Variants in PCDHA4 observed in about 807,000 individuals in gnomAD.
PCDHA4 encodes protocadherin alpha-4.
PCDHA4 carries 49 observed loss-of-function variants against 61.4 expected under a neutral mutation model. The ratio of observed to expected loss-of-function variants is 0.80; its 90% CI spans 0.63 to 1.01. The LOEUF is 1.01. Ranked by LOEUF, PCDHA4 falls within the 50% of genes least tolerant of loss-of-function variation. The pLI, the probability that PCDHA4 is intolerant of heterozygous loss-of-function variation, is 0.00. For missense variants in PCDHA4, 1,254 were observed against 1,235.8 expected (o/e 1.01, Z -0.22); for synonymous variants, 590 against 550.3 (o/e 1.07, Z -1.01).
At chr5:140,858,625 T>A (rs2045528405) in intron 1 of PCDHA4, 1 of 1,095,156 alleles carries the variant, frequency 9.1e-7, no homozygotes, top group South Asian at 1.7e-5. Flanking sequence ...CTACCCAGTG[T>A]GTCAGCCTTT....
intron 3 of PCDHA4, among the ~76,000 whole-genome samples, chr5:140,989,748 G>A (rs868949345): frequency 1.3e-4 from 20 of 152,192 alleles, no homozygotes; most frequent in African/African-American, 4.8e-4. Context: ...GCCTAATCTG[G>A]AGAAACATAT....
At chr5:140,856,842 C>T (rs782696740) in intron 1 of PCDHA4, 1 of 1,592,718 alleles carries the variant, frequency 6.3e-7, no homozygotes, top group South Asian at 1.1e-5. Context: ...CGGCTCAACG[C>T]TTCTGATTCG....
intron 1 of PCDHA4, chr5:140,966,920 C>A: frequency 6.2e-7 from 1 of 1,602,672 alleles, no homozygotes; most frequent in South Asian, 1.1e-5. Flanking sequence ...GCCAGAGGAG[C>A]AGGCACCCGG....
At chr5:140,929,545 A>T in intron 1 of PCDHA4, 1 of 514,856 alleles carries the variant, frequency 1.9e-6, no homozygotes, top group Non-Finnish European at 3.2e-6. Context: ...ACAAGGGCAA[A>T]AATTAAAACC....
intron 1 of PCDHA4, among the ~76,000 whole-genome samples, chr5:140,945,123 A>G (rs1421068345): frequency 2.0e-5 from 3 of 152,190 alleles, no homozygotes; most frequent in African/African-American, 4.8e-5. Context: ...TAAAAAATCA[A>G]CTTACAAAAA....
intron 3 of PCDHA4, among the ~76,000 whole-genome samples, chr5:140,984,016 T>G (rs2153832874): frequency 6.6e-6 from 1 of 152,280 alleles, no homozygotes; most frequent in Non-Finnish European, 1.5e-5. Context: ...TATTGCCAGA[T>G]TGCAAGGGGA....
At chr5:140,854,798 A>G (rs2043232983) in intron 1 of PCDHA4, 1 of 149,748 alleles carries the variant, frequency 6.7e-6, no homozygotes, top group African/African-American at 2.4e-5. Flanking sequence ...GAGAGAGAAA[A>G]AAATATTTTT....
chr5:140,857,254 TTAC>T, intron 1 of PCDHA4: 1 of 1,598,512 alleles, frequency 6.3e-7, no homozygotes, highest in Non-Finnish European at 8.6e-7. Flanking sequence ...CCTACAAGAA[TTAC>T]TACTCATTGG....
chr5:140,928,949 T>C, intron 1 of PCDHA4: 1 of 1,614,066 alleles, frequency 6.2e-7, no homozygotes, highest in Non-Finnish European at 8.5e-7. Flanking sequence ...TATTTAGTAA[T>C]TGCCTTGGCT....
chr5:140,852,008 A>G (rs566042388), intron 1 of PCDHA4: 1 of 972,776 alleles, frequency 1.0e-6, no homozygotes, highest in South Asian at 4.8e-5. Flanking sequence ...TTTCTAATTT[A>G]TAGTTTTAAA....
chr5:140,943,640 A>G (rs1288085106), intron 1 of PCDHA4, among the ~76,000 whole-genome samples: 1 of 152,224 alleles, frequency 6.6e-6, no homozygotes, highest in African/African-American at 2.4e-5. Context: ...TGGATTATGG[A>G]TAAAACCATC....
At chr5:140,928,594 G>A in intron 1 of PCDHA4, 1 of 1,614,204 alleles carries the variant, frequency 6.2e-7, no homozygotes, top group Non-Finnish European at 8.5e-7. Context: ...TGTCCCAGTG[G>A]AAATTGTGCC....
chr5:140,824,611 T>G (rs1768190871), intron 1 of PCDHA4: 1 of 19,836 alleles, frequency 5.0e-5, no homozygotes, highest in African/African-American at 1.7e-4. Context: ...CTAATTAAAG[T>G]TTTTTTTTTT....
chr5:140,839,516 A>G (rs2150298514), intron 1 of PCDHA4, among the ~76,000 whole-genome samples: 7 of 151,942 alleles, frequency 4.6e-5, no homozygotes, highest in African/African-American at 1.7e-4. Context: ...CAGCCTCTCA[A>G]GTTGCTGGGA....
At chr5:140,994,394 T>G (rs1332946220) in intron 3 of PCDHA4, among the ~76,000 whole-genome samples, 3 of 152,110 alleles carry the variant, frequency 2.0e-5, no homozygotes, top group African/African-American at 7.2e-5. Flanking sequence ...AGTCAGAGAT[T>G]ATTTGACATT....
At position 140,928,315 on chromosome 5, in the gene PCDHA4, G is replaced by A. The variant is rs535660713; in HGVS notation, c.2386-50634G>A. On this transcript the variant is annotated intron_variant, in intron 1 of 3. Coordinates refer to ENST00000530339, the MANE Select transcript of PCDHA4 (RefSeq NM_018907.4). ...AGTGTTTGCCCAGGACCCCGACCTG[G>A]GGAAGAATGGCCTTGTCTCTTATGA... The A allele has an allele frequency of 1.3e-4, 210 of 1,614,054 alleles. No homozygotes were observed. Among genetic ancestry groups the A allele is most frequent in the Non-Finnish European group, 1.7e-4 (203 of 1,180,048 alleles).
At chr5:140,964,199 A>C (rs1183847716) in intron 1 of PCDHA4, among the ~76,000 whole-genome samples, 1 of 152,240 alleles carries the variant, frequency 6.6e-6, no homozygotes, top group Admixed American at 6.5e-5. Context: ...AGAGTATACC[A>C]TCTCTTTAGT....
At chr5:140,952,621 T>C (rs1002649302) in intron 1 of PCDHA4, among the ~76,000 whole-genome samples, 3 of 152,168 alleles carry the variant, frequency 2.0e-5, no homozygotes, top group Admixed American at 2.0e-4. Context: ...TCATCTTCCC[T>C]CCACACTATT....
chr5:140,840,690 A>G (rs2150308704), intron 1 of PCDHA4, among the ~76,000 whole-genome samples: 1 of 152,210 alleles, frequency 6.6e-6, no homozygotes, highest in South Asian at 2.1e-4. Context: ...AGTAAATAAA[A>G]CGGTTCAGGC....
Sources: gnomAD v4.1 joint callset for allele counts (sites outside exome capture counted in the v4.1 genomes callset) on GRCh38, gnomAD v4.1.1 for gene constraint, MANE v1.5 for transcripts, NCBI Gene and HGNC (gene_info 2026-07-23, HGNC 2026-07-21) for gene names.